The following TMEM154 variants were observed in gnomAD, a reference collection of about 807,000 sequenced individuals.
TMEM154 encodes the protein transmembrane protein 154.
In TMEM154, 27 loss-of-function variants were observed where a neutral mutation model predicts 24.5. The ratio of observed to expected loss-of-function variants is 1.10; its 90% CI spans 0.81 to 1.52. The LOEUF (loss-of-function observed/expected upper bound fraction) is 1.52. Among genes scored for constraint, TMEM154 ranks in the 40% most tolerant of loss-of-function variants. TMEM154 has a pLI of 0.00. For synonymous variants in TMEM154, 67 were observed against 76.8 expected (o/e 0.87, Z 0.67); for missense variants, 228 against 213.4 (o/e 1.07, Z -0.43).
chr4:152,672,305 A>T, intron 1 of TMEM154, among the ~76,000 whole-genome samples: 1 of 152,154 alleles, frequency 6.6e-6, no homozygotes, highest in East Asian at 1.9e-4. Flanking sequence ...GGAGTGAGAA[A>T]AGAAAAGAAC....
Position 152,619,692 on chromosome 4 carries a change from A to T in TMEM154, c.*8854T>A, listed in dbSNP as rs1330176454. 1 of 152,208 alleles carries T rather than the reference A, an allele frequency of 6.6e-6. No individual in the cohort carries two copies. Among genetic ancestry groups the T allele is most frequent in the Admixed American group, 6.5e-5 (1 of 15,278 alleles). 9.4% of individuals were successfully genotyped at this position (152,208 alleles called of 1,614,324 possible). A position where few individuals can be genotyped will look rare whatever the true frequency, so the allele number is the denominator to read the frequency against. On this transcript the variant is annotated 3_prime_UTR_variant, in exon 7 of 7. Coordinates refer to ENST00000304385, the MANE Select transcript of TMEM154 (RefSeq NM_152680.3). ...GAGTCTATGGAGAGGCCCACATCAT[A>T]AAAGCCAAGGCCGCTGGACCACAGG...
chr4:152,658,903 C>T (rs1250961547), intron 1 of TMEM154, among the ~76,000 whole-genome samples: 1 of 152,078 alleles, frequency 6.6e-6, no homozygotes, highest in Non-Finnish European at 1.5e-5. Context: ...AACTCTTACA[C>T]ACTGTTGGTG....
At chr4:152,636,891 A>C (rs1243527944) in intron 6 of TMEM154, among the ~76,000 whole-genome samples, 2 of 152,220 alleles carry the variant, frequency 1.3e-5, no homozygotes, top group East Asian at 1.9e-4. Context: ...CTTCCACTAA[A>C]TTCAATTTTT....
At chr4:152,633,656 A>G (rs962552719) in intron 6 of TMEM154, among the ~76,000 whole-genome samples, 4 of 152,122 alleles carry the variant, frequency 2.6e-5, no homozygotes, top group African/African-American at 7.2e-5. Context: ...TTTTCTAGGA[A>G]TGTTAGACAG....
At chr4:152,633,119 AGCATTTTGAAG>A (rs556573225) in intron 6 of TMEM154, among the ~76,000 whole-genome samples, 14 of 152,098 alleles carry the variant, frequency 9.2e-5, no homozygotes, top group South Asian at 2.1e-4. Flanking sequence ...TCTAAGGAGA[AGCATTTTGAAG>A]GCTCACTGTG....
rs994815365 is a variant in TMEM154, at chr4:152,625,094, C to CT, written c.*3451dup. On this transcript the variant is annotated 3_prime_UTR_variant, in exon 7 of 7. Coordinates refer to ENST00000304385, the MANE Select transcript of TMEM154 (RefSeq NM_152680.3). ...ATGTTTTCTTTAGTCAACATAAGGC[C>CT]TTTTTTCAGAGATGGTGTGAATTAA... 2.8e-5 allele frequency: 4 copies of CT among 143,608 alleles called. No homozygotes were observed. Among genetic ancestry groups the CT allele is most frequent in the African/African-American group, 7.3e-5 (3 of 40,842 alleles). The allele number at this position is 143,608 out of a possible 1,614,324, so 8.9% of individuals were successfully genotyped here.
chr4:152,671,764 A>AAAAAG lies in TMEM154; in HGVS notation c.64+8101_64+8105dup, dbSNP rs1554013676. On this transcript the variant is annotated intron_variant, in intron 1 of 6. Transcript: ENST00000304385. ...TCCGTCTCAAAAAAAAAAAAAAAAA[A>AAAAAG]AAAAGAAAAGAAAATAGCCTAGGTG... Among the ~76,000 whole-genome samples, 141 of 146,498 alleles carry AAAAAG rather than the reference A, an allele frequency of 9.6e-4. 3 individuals carry two copies. The highest frequency in any genetic ancestry group is 1.3e-3 in the Non-Finnish European group (86 of 66,156).
rs1751925069 is a variant in TMEM154 at position 152,626,604 on chromosome 4, G to A, written c.*1942C>T. 2 of 152,118 alleles carry A rather than the reference G, an allele frequency of 1.3e-5. No homozygotes were observed. 9.4% of individuals were successfully genotyped at this position (152,118 alleles called of 1,614,324 possible). On this transcript the variant is annotated 3_prime_UTR_variant, in exon 7 of 7. Transcript: ENST00000304385. ...AGAATTTGAAATTATTTAAAATACT[G>A]CATGAGAATATTTTTATCATATTAT...
chr4:152,675,962 G>C (rs1278431344), intron 1 of TMEM154, among the ~76,000 whole-genome samples: 1 of 152,138 alleles, frequency 6.6e-6, no homozygotes, highest in African/African-American at 2.4e-5. Context: ...TTTTGGGGGA[G>C]TCCCTTAGAG....
intron 1 of TMEM154, among the ~76,000 whole-genome samples, chr4:152,657,625 A>T (rs891951622): frequency 1.3e-5 from 2 of 152,226 alleles, no homozygotes; most frequent in Non-Finnish European, 2.9e-5. Context: ...CTCCAAATAG[A>T]TATAATTCAA....
intron 1 of TMEM154, among the ~76,000 whole-genome samples, chr4:152,674,612 T>G (rs1728914729): frequency 6.6e-6 from 1 of 152,158 alleles, no homozygotes; most frequent in Non-Finnish European, 1.5e-5. Flanking sequence ...TGCTTGCCAC[T>G]TCCCATTCAA....
chr4:152,645,366 G>A (rs540054777), intron 3 of TMEM154, among the ~76,000 whole-genome samples: 10 of 152,154 alleles, frequency 6.6e-5, no homozygotes, highest in Non-Finnish European at 1.3e-4. Flanking sequence ...CCTGTTTTTA[G>A]TTCCTGTTGG....
In TMEM154 at chr4:152,627,371, G is replaced by T. The variant is rs1561041998; in HGVS notation, c.*1175C>A. 1 of 152,216 alleles carries T rather than the reference G, an allele frequency of 6.6e-6. No individual in the cohort carries two copies. Among genetic ancestry groups the T allele is most frequent in the Non-Finnish European group, 1.5e-5 (1 of 68,038 alleles). The allele number at this position is 152,216 out of a possible 1,614,324, so 9.4% of individuals were successfully genotyped here. On this transcript the variant is annotated 3_prime_UTR_variant, in exon 7 of 7. Coordinates refer to ENST00000304385, the MANE Select transcript of TMEM154 (RefSeq NM_152680.3). ...TATCAGGTATCCAAGGAGAGCTGAG[G>T]ATTCTCAATTTGCTAGATTGCTTTA...
chr4:152,653,074 A>G, intron 1 of TMEM154, 147 bp from the exon 2 acceptor site: 1 of 768,582 alleles, frequency 1.3e-6, no homozygotes. Context: ...GACACAGAAC[A>G]TTGATTTAAC....
intron 4 of TMEM154, 121 bp downstream of exon 4, chr4:152,644,294 C>G (rs573137729): frequency 9.0e-7 from 1 of 1,113,270 alleles, no homozygotes; most frequent in Non-Finnish European, 1.4e-6. Context: ...TCTCCAACCC[C>G]GCCTGGGAAG....
chr4:152,675,224 A>G (rs1037646663), intron 1 of TMEM154, among the ~76,000 whole-genome samples: 4 of 151,998 alleles, frequency 2.6e-5, no homozygotes, highest in Admixed American at 1.3e-4. Context: ...ATGTCTACAC[A>G]AACTTTAGCT....
At chr4:152,675,030 C>T (rs1196897583) in intron 1 of TMEM154, among the ~76,000 whole-genome samples, 2 of 151,826 alleles carry the variant, frequency 1.3e-5, no homozygotes, top group Admixed American at 6.6e-5. Context: ...GTGGCATGCG[C>T]CTATAATCCC....
intron 6 of TMEM154, among the ~76,000 whole-genome samples, chr4:152,635,056 G>C (rs1382528949): frequency 6.6e-6 from 1 of 152,176 alleles, no homozygotes; most frequent in East Asian, 1.9e-4. Flanking sequence ...AAGAAGAAAA[G>C]AGGAAAGCAG....
chr4:152,665,217 G>A (rs562537139), intron 1 of TMEM154, among the ~76,000 whole-genome samples: 10 of 152,224 alleles, frequency 6.6e-5, no homozygotes, highest in African/African-American at 1.2e-4. Context: ...TCTAAATATC[G>A]ATCAATCTAA....
Sources: allele counts gnomAD v4.1 joint callset (sites outside exome capture counted in the v4.1 genomes callset), GRCh38; gene constraint gnomAD v4.1.1; transcripts MANE v1.5; gene names NCBI Gene and HGNC (gene_info 2026-07-23, HGNC 2026-07-21).